Variants in SOX6 observed in about 807,000 individuals in gnomAD.
SOX6 encodes transcription factor SOX-6.
A neutral mutation model predicts 97.8 loss-of-function variants in SOX6; 11 were observed. The observed-to-expected ratio is 0.11, with a 90% CI of 0.07 to 0.19. The LOEUF is 0.19. SOX6 is among the 10% of genes least tolerant of loss of function. The pLI is 1.00. For synonymous variants in SOX6, 360 were observed against 371.4 expected, an observed-to-expected ratio of 0.97 and a Z score of 0.35; for missense variants, 810 against 1,039.5, an observed-to-expected ratio of 0.78 and a Z score of 3.04.
chr11:16,266,807 T>C (rs1854095157), intron 3 of SOX6, among the ~76,000 whole-genome samples: 1 of 151,236 alleles, frequency 6.6e-6, no homozygotes, highest in Non-Finnish European at 1.5e-5. Context: ...CAGCAAAAAA[T>C]ATACATGGTA....
At chr11:16,374,057 G>T (rs1429954086) in intron 1 of SOX6, among the ~76,000 whole-genome samples, 1 of 152,006 alleles carries the variant, frequency 6.6e-6, no homozygotes, top group Non-Finnish European at 1.5e-5. Context: ...AGTTACTACA[G>T]CTTCCATGCA....
intron 10 of SOX6, 115 bp downstream of exon 10, chr11:16,055,637 G>T: frequency 8.2e-7 from 1 of 1,224,456 alleles, no homozygotes; most frequent in Non-Finnish European, 1.2e-6. Context: ...GACATTTTGG[G>T]GTTGCTTTAT....
At chr11:16,439,230 G>A (rs1390599735) in intron 1 of SOX6, among the ~76,000 whole-genome samples, 1 of 152,150 alleles carries the variant, frequency 6.6e-6, no homozygotes, top group African/African-American at 2.4e-5. Context: ...AACGTAAAGG[G>A]AATGTAATGC....
chr11:16,626,856 C>T (rs1306405202), intron 3 of SOX6, among the ~76,000 whole-genome samples: 1 of 152,068 alleles, frequency 6.6e-6, no homozygotes, highest in Non-Finnish European at 1.5e-5. Context: ...TCAGGAGATA[C>T]ATGTGCAGGT....
At chr11:16,227,661 A>G (rs774519068) in intron 4 of SOX6, among the ~76,000 whole-genome samples, 10 of 152,108 alleles carry the variant, frequency 6.6e-5, no homozygotes, top group Non-Finnish European at 7.4e-5. Context: ...AATCTTATCA[A>G]TGTCACAGCT....
chr11:16,080,270 A>T (rs1396769913), intron 9 of SOX6, among the ~76,000 whole-genome samples: 2 of 151,262 alleles, frequency 1.3e-5, no homozygotes, highest in Non-Finnish European at 3.0e-5. Flanking sequence ...AAAAAAAAAA[A>T]AAAAAAGACT....
intron 1 of SOX6, among the ~76,000 whole-genome samples, chr11:16,379,475 A>G (rs2134406738): frequency 6.6e-6 from 1 of 151,094 alleles, no homozygotes; most frequent in African/African-American, 2.4e-5. Flanking sequence ...TCAAAAAAAG[A>G]AAAAAAAATG....
intron 9 of SOX6, among the ~76,000 whole-genome samples, chr11:16,086,011 AC>A (rs1848569148): frequency 6.6e-6 from 1 of 152,184 alleles, no homozygotes; most frequent in Non-Finnish European, 1.5e-5. Flanking sequence ...CAAGTTAGAG[AC>A]ACTTTCCCCA....
rs1261781584 is a variant in SOX6, at chr11:16,613,209, C to T, written n.430-949G>A. The T allele has an allele frequency of 6.6e-6, 1 of 152,164 alleles. No individual in the cohort carries two copies. The highest frequency in any genetic ancestry group is 1.9e-4 in the East Asian group (1 of 5,180). 9.4% of individuals were successfully genotyped at this position (152,164 alleles called of 1,614,324 possible). A position where few individuals can be genotyped will look rare whatever the true frequency, so the allele number is the denominator to read the frequency against. Reference sequence around the variant, plus strand: ...GTTCTAGGAACCGTGTCCTTTCGTCCCGGAGGTAAGATTGTGTGACTGCCT... The same window carrying T: ...GTTCTAGGAACCGTGTCCTTTCGTCTCGGAGGTAAGATTGTGTGACTGCCT... On this transcript the variant is annotated intron_variant and non_coding_transcript_variant, in intron 3 of 5. Coordinates refer to the SOX6 transcript ENST00000524520. The surrounding 1 kb of genome is among the most constrained non-coding windows in gnomAD (Gnocchi z 4.6).
chr11:16,527,797 A>G (rs1470364570), intron 4 of SOX6, among the ~76,000 whole-genome samples: 1 of 152,156 alleles, frequency 6.6e-6, no homozygotes, highest in Non-Finnish European at 1.5e-5. Flanking sequence ...AGAGACAAGT[A>G]GAGCCACAGC....
intron 1 of SOX6, among the ~76,000 whole-genome samples, chr11:16,425,954 G>C (rs942143066): frequency 6.8e-6 from 1 of 147,696 alleles, no homozygotes; most frequent in African/African-American, 2.5e-5. Context: ...TACAGAACTA[G>C]AAAAAAAAAA....
intron 1 of SOX6, among the ~76,000 whole-genome samples, chr11:16,388,084 C>T (rs1858045665): frequency 1.3e-5 from 2 of 152,062 alleles, no homozygotes; most frequent in Non-Finnish European, 2.9e-5. Flanking sequence ...TTTTTCCTAG[C>T]CATCCTTTTC....
intron 3 of SOX6, among the ~76,000 whole-genome samples, chr11:16,699,690 T>C (rs1848079046): frequency 6.6e-6 from 1 of 152,130 alleles, no homozygotes; most frequent in Admixed American, 6.6e-5. Context: ...ATTTTGTGTC[T>C]GATTGCAAGC....
At chr11:16,137,870 G>A (rs561561593) in intron 6 of SOX6, among the ~76,000 whole-genome samples, 9 of 152,088 alleles carry the variant, frequency 5.9e-5, no homozygotes, top group Admixed American at 3.3e-4. Context: ...TTCCCCCTTC[G>A]CTGGGCACTC....
chr11:16,050,128 G>C (rs1402671810), intron 10 of SOX6, among the ~76,000 whole-genome samples, 190 bp from the exon 11 acceptor site: 1 of 152,032 alleles, frequency 6.6e-6, no homozygotes, highest in Non-Finnish European at 1.5e-5. Flanking sequence ...CCTGTGTTAT[G>C]CTTCTATTTA....
intron 1 of SOX6, among the ~76,000 whole-genome samples, chr11:16,374,930 A>G (rs1289088694): frequency 6.6e-6 from 1 of 152,070 alleles, no homozygotes; most frequent in Non-Finnish European, 1.5e-5. Flanking sequence ...TGACATTTCT[A>G]TATTTTCTAT....
chr11:16,061,087 T>C (rs1002298119), intron 9 of SOX6, among the ~76,000 whole-genome samples: 5 of 151,912 alleles, frequency 3.3e-5, no homozygotes, highest in South Asian at 2.1e-4. Flanking sequence ...AACAATTTTA[T>C]GATATTAAGG....
chr11:16,070,963 C>T (rs748620818), intron 9 of SOX6, among the ~76,000 whole-genome samples: 3 of 152,262 alleles, frequency 2.0e-5, no homozygotes, highest in Non-Finnish European at 4.4e-5. Context: ...TCAGCACCAG[C>T]ACCATAGCTC....
At chr11:16,399,558 T>C (rs1225788015) in intron 1 of SOX6, among the ~76,000 whole-genome samples, 1 of 151,316 alleles carries the variant, frequency 6.6e-6, no homozygotes, top group African/African-American at 2.4e-5. Context: ...TTGTAAAATG[T>C]CTCTCCTAAG....
Sources: allele counts gnomAD v4.1 joint callset (sites outside exome capture counted in the v4.1 genomes callset), GRCh38; gene constraint gnomAD v4.1.1; non-coding constraint Gnocchi (gnomAD v3.1); transcripts MANE v1.5; gene names NCBI Gene and HGNC (gene_info 2026-07-23, HGNC 2026-07-21).